KIF13A: variants seen among roughly 807,000 people sequenced by gnomAD.
The protein encoded by KIF13A is kinesin-like protein KIF13A.
KIF13A carries 79 observed loss-of-function variants against 212.2 expected under a neutral mutation model. The observed-to-expected ratio is 0.37, with a 90% CI of 0.31 to 0.45. KIF13A has a LOEUF of 0.45. Ranked by LOEUF, KIF13A falls within the 20% of genes least tolerant of loss-of-function variation. The pLI, the probability that KIF13A is intolerant of heterozygous loss-of-function variation, is 1.00. For synonymous variants in KIF13A, 789 were observed against 808.6 expected (o/e 0.98, Z 0.41); for missense variants, 1,901 against 2,209.0 (o/e 0.86, Z 2.79).
chr6:17,901,411 CTAAAA>C, intron 2 of KIF13A, among the ~76,000 whole-genome samples: 1 of 152,084 alleles, frequency 6.6e-6, no homozygotes, highest in Admixed American at 6.5e-5. Flanking sequence ...ATATAAACTA[CTAAAA>C]TAAACTTAAC....
At chr6:17,817,297 C>A in intron 16 of KIF13A, 64 bp from the exon 17 acceptor site, 2 of 1,434,314 alleles carry the variant, frequency 1.4e-6, no homozygotes, top group Non-Finnish European at 2.0e-6. Context: ...TCATGCCAGG[C>A]ACTGCAGCCT....
At chr6:17,959,822 G>A (rs1444772034) in intron 2 of KIF13A, among the ~76,000 whole-genome samples, 1 of 152,116 alleles carries the variant, frequency 6.6e-6, no homozygotes, top group Non-Finnish European at 1.5e-5. Context: ...TCAGGAGTTC[G>A]AGACCAGACT....
At chr6:17,820,108 C>A (rs1764303739) in intron 16 of KIF13A, among the ~76,000 whole-genome samples, 1 of 152,116 alleles carries the variant, frequency 6.6e-6, no homozygotes, top group Non-Finnish European at 1.5e-5. Context: ...GAGGGGATCT[C>A]ACCCCAAGGT....
chr6:17,817,498 A>G (rs1581404924), intron 16 of KIF13A, among the ~76,000 whole-genome samples: 1 of 152,244 alleles, frequency 6.6e-6, no homozygotes, highest in Non-Finnish European at 1.5e-5. Context: ...CCTAACGTTT[A>G]GATAAATCAT....
At chr6:17,890,333 G>A (rs1771930675) in intron 3 of KIF13A, among the ~76,000 whole-genome samples, 1 of 152,038 alleles carries the variant, frequency 6.6e-6, no homozygotes, top group Non-Finnish European at 1.5e-5. Context: ...TTTCAATGTG[G>A]CTCCTCAGGA....
intron 2 of KIF13A, among the ~76,000 whole-genome samples, chr6:17,978,789 T>C (rs1185573354): frequency 6.6e-6 from 1 of 152,214 alleles, no homozygotes; most frequent in African/African-American, 2.4e-5. Context: ...TGCAATTTTA[T>C]TGAAAATGGA....
intron 12 of KIF13A, among the ~76,000 whole-genome samples, chr6:17,833,556 C>T (rs1485301953): frequency 6.8e-6 from 1 of 148,094 alleles, no homozygotes; most frequent in Non-Finnish European, 1.5e-5. Flanking sequence ...AGAAAAGGGC[C>T]CTTAAAAGAC....
At position 17,888,994 on chromosome 6, in the gene KIF13A, T is replaced by C. The variant is rs919642302; in HGVS notation, c.159+9174A>G. ...AGCAACACCAGTCACATATCATATG[T>C]TCATAAACCACTTGTGGCTAAATGG... On this transcript the variant is annotated intron_variant, in intron 3 of 38. Transcript: ENST00000259711. This position sits in a 1 kb window ranked among gnomAD's most constrained non-coding sequence, Gnocchi z 4.8. Among the ~76,000 whole-genome samples, 2 of 152,212 alleles carry C rather than the reference T, an allele frequency of 1.3e-5. 1 individual carries two copies. The highest frequency in any genetic ancestry group is 2.9e-5 in the Non-Finnish European group (2 of 68,042).
intron 3 of KIF13A, among the ~76,000 whole-genome samples, chr6:17,893,892 T>A (rs988297833): frequency 7.2e-6 from 1 of 138,886 alleles, no homozygotes; most frequent in Non-Finnish European, 1.5e-5. Flanking sequence ...CAGGCTGGAG[T>A]GCAGTGGCGC....
At chr6:17,929,624 C>T (rs1330618843) in intron 2 of KIF13A, among the ~76,000 whole-genome samples, 3 of 152,142 alleles carry the variant, frequency 2.0e-5, no homozygotes, top group Non-Finnish European at 2.9e-5. Context: ...ATGGTCTCGA[C>T]CTCCTGACCT....
rs1413298567 is a variant in KIF13A at position 17,856,796 on chromosome 6, T to C, written c.221-674A>G. ...GTTTTAAACACATAAAAGGACAGCA[T>C]TTGCTACCCTTTGAATTTGGTGATT... On this transcript the variant is annotated intron_variant, in intron 4 of 38. Transcript: ENST00000259711. This position sits in a 1 kb window ranked among gnomAD's most constrained non-coding sequence, Gnocchi z 4.5. 6.6e-6 allele frequency among the ~76,000 whole-genome samples: 1 copy of C among 152,188 alleles called. No individual in the cohort carries two copies. The highest frequency in any genetic ancestry group is 1.5e-5 in the Non-Finnish European group (1 of 68,030).
At chr6:17,808,683 A>G (rs1258468947) in intron 18 of KIF13A, 85 bp downstream of exon 18, 2 of 1,307,294 alleles carry the variant, frequency 1.5e-6, no homozygotes, top group Non-Finnish European at 2.1e-6. Flanking sequence ...CTCCTCAGGC[A>G]TGTTTCTGGG....
chr6:17,935,021 C>T (rs1039833732), intron 2 of KIF13A, among the ~76,000 whole-genome samples: 2 of 152,174 alleles, frequency 1.3e-5, no homozygotes, highest in African/African-American at 2.4e-5. Flanking sequence ...CTAAGGGCAA[C>T]AGCAACTTCA....
chr6:17,982,141 G>T lies in KIF13A; in HGVS notation c.146+4913C>A, dbSNP rs1175723365. Among the ~76,000 whole-genome samples the T allele has an allele frequency of 1.3e-5, 2 of 151,812 alleles. No individual in the cohort carries two copies. Among genetic ancestry groups the T allele is most frequent in the Non-Finnish European group, 2.9e-5 (2 of 68,008 alleles). On this transcript the variant is annotated intron_variant, in intron 2 of 38. Transcript: ENST00000259711. This position sits in a 1 kb window ranked among gnomAD's most constrained non-coding sequence, Gnocchi z 5.1. ...ACAGAGTTTCACTCTTGTTGCTCAG[G>T]CTAGAGTGCAATGGCTCGATCTCAG...
intron 2 of KIF13A, among the ~76,000 whole-genome samples, chr6:17,965,694 T>C (rs1281293033): frequency 6.6e-6 from 1 of 152,254 alleles, no homozygotes; most frequent in Admixed American, 6.5e-5. Context: ...CCAGTGGCTT[T>C]ATTAACAGGG....
Position 17,888,010 on chromosome 6 carries a change from C to A in KIF13A, c.159+10158G>T, listed in dbSNP as rs367738380. On this transcript the variant is annotated intron_variant, in intron 3 of 38. Transcript: ENST00000259711. This position sits in a 1 kb window ranked among gnomAD's most constrained non-coding sequence, Gnocchi z 4.8. ...TGTGAGCCACTGGGCCCAGCCCCTG[C>A]ATCTTGATTCTTATCCTAAATTTCT... is the stretch of plus-strand genomic sequence containing the variant. 7.9e-5 allele frequency among the ~76,000 whole-genome samples: 12 copies of A among 152,004 alleles called. No individual in the cohort carries two copies. The East Asian group carries it at 2.3e-3, about 29-fold the overall frequency.
chr6:17,842,000 C>CGTGTGTGTGT (rs56396263), intron 9 of KIF13A, among the ~76,000 whole-genome samples: 17 of 143,712 alleles, frequency 1.2e-4, no homozygotes, highest in African/African-American at 2.3e-4. Flanking sequence ...TATACACATA[C>CGTGTGTGTGT]GTGTGTGTGT....
rs1764874176 is a variant in KIF13A at position 17,825,380 on chromosome 6, A to C, written c.1786+388T>G. Reference sequence around the variant, plus strand: ...TGTGACTTTTATCTTTCCATAGATTATATTTGAAATTCCTGAATTTATATT... The same window carrying C: ...TGTGACTTTTATCTTTCCATAGATTCTATTTGAAATTCCTGAATTTATATT... On this transcript the variant is annotated intron_variant, in intron 16 of 38. Coordinates refer to ENST00000259711, the MANE Select transcript of KIF13A (RefSeq NM_022113.6). The surrounding 1 kb of genome is among the most constrained non-coding windows in gnomAD (Gnocchi z 4.5). Among the ~76,000 whole-genome samples the C allele has an allele frequency of 6.6e-6, 1 of 152,222 alleles. No homozygotes were observed. The highest frequency in any genetic ancestry group is 6.5e-5 in the Admixed American group (1 of 15,282).
chr6:17,920,775 G>A (rs1774997191), intron 2 of KIF13A, among the ~76,000 whole-genome samples: 1 of 151,650 alleles, frequency 6.6e-6, no homozygotes, highest in African/African-American at 2.4e-5. Context: ...CCAGGAGGCT[G>A]AGGCAGGAGA....
Sources: allele counts gnomAD v4.1 joint callset (sites outside exome capture counted in the v4.1 genomes callset), GRCh38; gene constraint gnomAD v4.1.1; non-coding constraint Gnocchi (gnomAD v3.1); transcripts MANE v1.5; gene names NCBI Gene and HGNC (gene_info 2026-07-23, HGNC 2026-07-21).